Variants in CREB5 observed in about 807,000 individuals in gnomAD.
The protein encoded by CREB5 is cAMP responsive element binding protein 5, also known as cyclic AMP-responsive element-binding protein 5.
Under a neutral mutation model 57.1 loss-of-function variants are expected in CREB5, and 19 were observed. The observed-to-expected ratio is 0.33, with a 90% CI of 0.23 to 0.49. CREB5 has a LOEUF of 0.49. Among genes scored for constraint, CREB5 ranks in the 20% least tolerant of loss-of-function variants. The pLI is 0.99. For missense variants in CREB5, 579 were observed against 671.6 expected (o/e 0.86, Z 1.52); for synonymous variants, 238 against 238.3 (o/e 1.00, Z 0.01).
intron 1 of CREB5, among the ~76,000 whole-genome samples, chr7:28,334,244 C>T (rs1187944981): frequency 6.6e-6 from 1 of 152,160 alleles, no homozygotes; most frequent in Non-Finnish European, 1.5e-5. Flanking sequence ...CAACCTCCAC[C>T]TCCCAGGTTC....
At chr7:28,737,519 GTATATA>G (rs1303277983) in intron 7 of CREB5, among the ~76,000 whole-genome samples, 4 of 125,422 alleles carry the variant, frequency 3.2e-5, no homozygotes, top group Non-Finnish European at 5.0e-5. Flanking sequence ...GTGTGTGTGT[GTATATA>G]TGTATATATA....
At chr7:28,388,210 G>T (rs911906429) in intron 1 of CREB5, among the ~76,000 whole-genome samples, 1 of 152,154 alleles carries the variant, frequency 6.6e-6, no homozygotes, top group African/African-American at 2.4e-5. Flanking sequence ...TGCACAGGTA[G>T]TATCAATTTA....
intron 5 of CREB5, among the ~76,000 whole-genome samples, chr7:28,636,013 G>A (rs941512308): frequency 1.3e-5 from 2 of 152,204 alleles, no homozygotes; most frequent in Admixed American, 6.5e-5. Context: ...AATAGTTATT[G>A]AGCCACAAAA....
At chr7:28,650,527 A>G (rs1228655190) in intron 5 of CREB5, among the ~76,000 whole-genome samples, 2 of 152,202 alleles carry the variant, frequency 1.3e-5, no homozygotes, top group African/African-American at 4.8e-5. Context: ...CAGATAGTCT[A>G]AAATCCTTCA....
intron 4 of CREB5, among the ~76,000 whole-genome samples, chr7:28,527,913 T>C (rs1793515991): frequency 1.3e-5 from 2 of 152,228 alleles, no homozygotes; most frequent in Admixed American, 6.5e-5. Flanking sequence ...ACCACTGTAA[T>C]GGAAAGAGCT....
At chr7:28,699,164 T>C (rs1038017956) in intron 5 of CREB5, among the ~76,000 whole-genome samples, 23 of 151,996 alleles carry the variant, frequency 1.5e-4, no homozygotes, top group Non-Finnish European at 4.4e-5. Context: ...CCTTCCTTTC[T>C]TCCTTTCTTC....
Position 28,570,435 on chromosome 7 carries a change from G to T in CREB5, c.362G>T (p.Arg121Leu), listed in dbSNP as rs116248568. Residue 121 changes from arginine to leucine, a missense_variant, in exon 5 of 11, where the codon CGG becomes CTG. By Grantham distance (102) the Arg-to-Leu change is moderately radical (BLOSUM62 -2). This residue lies in a region of CREB5 where 459 missense variants were observed against 515.7 expected (regional missense o/e 0.89). Transcript: ENST00000357727. ...GPGTHQLSSA[R>L]LPNHDTNVVI... ...GGAACTCACCAGCTTAGCAGCGCTCGGCTGCCCAACCATGACACCAACGTT... is the reference window on the plus strand; with the variant it reads ...GGAACTCACCAGCTTAGCAGCGCTCTGCTGCCCAACCATGACACCAACGTT... 6.2e-7 allele frequency: 1 copy of T among 1,614,014 alleles called. No individual in the cohort carries two copies. Among genetic ancestry groups the T allele is most frequent in the Admixed American group, 1.7e-5 (1 of 60,006 alleles).
intron 6 of CREB5, among the ~76,000 whole-genome samples, chr7:28,719,860 G>A (rs1802919432): frequency 6.6e-6 from 1 of 152,198 alleles, no homozygotes; most frequent in South Asian, 2.1e-4. Flanking sequence ...AAGAGATCGA[G>A]ACCAGCCTGG....
At chr7:28,540,719 T>C (rs79415886) in intron 4 of CREB5, among the ~76,000 whole-genome samples, 21,590 of 152,198 alleles carry the variant, frequency 0.14, 1,866 homozygotes, top group East Asian at 0.25. Context: ...CTTTTAGGGT[T>C]GGATTAGGTG....
At chr7:28,702,290 T>C (rs551445074) in intron 5 of CREB5, among the ~76,000 whole-genome samples, 1 of 152,340 alleles carries the variant, frequency 6.6e-6, no homozygotes, top group Non-Finnish European at 1.5e-5. Flanking sequence ...ATGGTGAAAA[T>C]GGAAAGCACT....
At chr7:28,363,336 A>G (rs1230279534) in intron 1 of CREB5, among the ~76,000 whole-genome samples, 1 of 152,144 alleles carries the variant, frequency 6.6e-6, no homozygotes, top group Non-Finnish European at 1.5e-5. Context: ...CAAGCAAAGG[A>G]AATTGGCTAG....
In CREB5 at chr7:28,570,519, C is replaced by T; in HGVS notation, c.446C>T (p.Ser149Phe). The T allele has an allele frequency of 6.2e-7, 1 of 1,613,860 alleles. No homozygotes were observed. Among genetic ancestry groups the T allele is most frequent in the Non-Finnish European group, 8.5e-7 (1 of 1,179,870 alleles). The part of the protein sequence containing the change: ...QSSSVITQAP[S>F]TNRQIGPVPG... ...AGCTCTGTCATCACTCAGGCACCTT[C>T]CACCAACCGCCAGATCGGGTAAGGA... Residue 149 changes from serine to phenylalanine, a missense_variant, in exon 5 of 11, where the codon TCC (serine) becomes TTC (phenylalanine). Coordinates refer to ENST00000357727, the MANE Select transcript of CREB5 (RefSeq NM_182898.4).
At chr7:28,410,222 G>A, upstream of CREB5, 1 of 454,014 alleles carries the variant, frequency 2.2e-6, no homozygotes. Context: ...GCTCCGGGCT[G>A]GAGAGCGGCG....
rs1304742142 is a variant in CREB5 at position 28,421,392 on chromosome 7, T to C, written c.3+8475T>C. ...ACATTTAAAAAATGTTTTATTTCCA[T>C]AGGTTTTGGGGGAGCAGGTGGTATT... On this transcript the variant is annotated intron_variant, in intron 1 of 10. Coordinates refer to ENST00000357727, the MANE Select transcript of CREB5 (RefSeq NM_182898.4). 2.0e-5 allele frequency among the ~76,000 whole-genome samples: 3 copies of C among 152,098 alleles called. No individual in the cohort carries two copies. In the East Asian group the frequency reaches 5.8e-4, roughly 29 times the overall value.
chr7:28,369,061 C>T (rs1786646926), intron 1 of CREB5, among the ~76,000 whole-genome samples: 1 of 151,934 alleles, frequency 6.6e-6, no homozygotes, highest in Admixed American at 6.6e-5. Context: ...ACAAAACAAA[C>T]AAACAAACAA....
intron 1 of CREB5, among the ~76,000 whole-genome samples, chr7:28,422,139 A>C (rs1788293921): frequency 6.6e-6 from 1 of 152,108 alleles, no homozygotes; most frequent in Non-Finnish European, 1.5e-5. Context: ...AGAAAGGAGG[A>C]GGCCCAGGCT....
rs77887072 is a variant in CREB5, at chr7:28,339,389, A to G, written c.-25+39948A>G. 6.3e-3 allele frequency among the ~76,000 whole-genome samples: 967 copies of G among 152,314 alleles called. 5 individuals carry two copies. Among genetic ancestry groups the G allele is most frequent in the African/African-American group, 0.022 (912 of 41,564 alleles). Reference sequence around the variant, plus strand: ...CTACGATTCTTGCAGACTTTTAGAGATACCAGTTTGGTGGTCTTGGATGAT... The same window carrying G: ...CTACGATTCTTGCAGACTTTTAGAGGTACCAGTTTGGTGGTCTTGGATGAT... On this transcript the variant is annotated intron_variant, in intron 1 of 9. Transcript: ENST00000396299.
upstream of CREB5, chr7:28,410,256 T>C (rs1562697544): frequency 4.4e-6 from 2 of 455,384 alleles, no homozygotes; most frequent in Admixed American, 4.7e-5. Context: ...TCCAGTCCAC[T>C]CCTCCGGCCG....
At chr7:28,580,366 G>A (rs989878986) in intron 5 of CREB5, among the ~76,000 whole-genome samples, 3 of 144,454 alleles carry the variant, frequency 2.1e-5, no homozygotes, top group Non-Finnish European at 4.5e-5. Flanking sequence ...AAAATGAGGG[G>A]TGTCTGTGTG....
Sources: allele counts gnomAD v4.1 joint callset (sites outside exome capture counted in the v4.1 genomes callset), GRCh38; gene constraint gnomAD v4.1.1; regional missense constraint gnomAD v4.1.1; transcripts MANE v1.5; gene names NCBI Gene and HGNC (gene_info 2026-07-23, HGNC 2026-07-21).